The following RBFOX1 variants were observed in gnomAD, a reference collection of about 807,000 sequenced individuals.
RBFOX1 encodes RNA binding fox-1 homolog 1.
In RBFOX1, 8 loss-of-function variants were observed where a neutral mutation model predicts 57.7. That is an observed-to-expected ratio of 0.14 (90% CI 0.08 to 0.25). The LOEUF (loss-of-function observed/expected upper bound fraction) is 0.25, where lower values mean the gene tolerates loss of function less well. Ranked by LOEUF, RBFOX1 falls within the 10% of genes least tolerant of loss-of-function variation. RBFOX1 has a pLI of 1.00. For synonymous variants in RBFOX1, 326 were observed against 222.4 expected (o/e 1.47, Z -4.15); for missense variants, 611 against 548.5 (o/e 1.11, Z -1.14).
At chr16:7,103,646 G>A (rs922547409) in intron 4 of RBFOX1, among the ~76,000 whole-genome samples, 4 of 152,088 alleles carry the variant, frequency 2.6e-5, no homozygotes, top group Admixed American at 1.3e-4. Context: ...ATAGTTTTTT[G>A]TTAAGTACAT....
intron 4 of RBFOX1, among the ~76,000 whole-genome samples, chr16:7,232,567 A>G (rs948285658): frequency 6.6e-6 from 1 of 152,148 alleles, no homozygotes. Context: ...CAGGCCAGGC[A>G]TAAGCGGCTC....
At chr16:5,923,704 C>G (rs572176009) in intron 4 of RBFOX1, among the ~76,000 whole-genome samples, 1 of 152,014 alleles carries the variant, frequency 6.6e-6, no homozygotes, top group East Asian at 1.9e-4. Context: ...ACCACACCTG[C>G]TAATTTTTGT....
chr16:5,404,407 C>G (rs932326979), intron 1 of RBFOX1, among the ~76,000 whole-genome samples: 1 of 152,244 alleles, frequency 6.6e-6, no homozygotes, highest in South Asian at 2.1e-4. Context: ...GGAGCTCTGT[C>G]TTTGATGTCT....
At chr16:7,506,344 G>A (rs768975857) in intron 4 of RBFOX1, among the ~76,000 whole-genome samples, 6 of 152,010 alleles carry the variant, frequency 3.9e-5, no homozygotes, top group Non-Finnish European at 7.4e-5. Context: ...TGGGTACCTG[G>A]CACTAACAAG....
intron 4 of RBFOX1, among the ~76,000 whole-genome samples, chr16:7,446,555 C>A (rs2098809199): frequency 6.6e-6 from 1 of 152,148 alleles, no homozygotes; most frequent in African/African-American, 2.4e-5. Flanking sequence ...TTCTACCATA[C>A]ACTAAGCAGT....
At chr16:5,428,722 T>C (rs1465742776) in intron 1 of RBFOX1, among the ~76,000 whole-genome samples, 1 of 152,064 alleles carries the variant, frequency 6.6e-6, no homozygotes, top group Non-Finnish European at 1.5e-5. Context: ...GATGGTACAT[T>C]ACATGGAGAG....
At chr16:5,434,292 A>G (rs1458485046) in intron 1 of RBFOX1, among the ~76,000 whole-genome samples, 2 of 145,192 alleles carry the variant, frequency 1.4e-5, no homozygotes, top group African/African-American at 5.0e-5. Flanking sequence ...CACACGCATC[A>G]GAGGGAGCCA....
intron 1 of RBFOX1, among the ~76,000 whole-genome samples, chr16:6,249,632 C>T (rs1185190773): frequency 6.6e-6 from 1 of 151,972 alleles, no homozygotes; most frequent in Admixed American, 6.6e-5. Flanking sequence ...GGGAGTGGCC[C>T]CTGTGGAGGT....
chr16:5,429,882 C>A (rs561986265), intron 1 of RBFOX1, among the ~76,000 whole-genome samples: 18 of 152,296 alleles, frequency 1.2e-4, no homozygotes, highest in Admixed American at 3.3e-4. Flanking sequence ...TCCCAAATAC[C>A]TGCCCTCCTG....
chr16:6,386,116 T>C (rs918110353), intron 2 of RBFOX1, among the ~76,000 whole-genome samples: 7 of 152,076 alleles, frequency 4.6e-5, no homozygotes, highest in African/African-American at 1.7e-4. Flanking sequence ...TTTGTATTTT[T>C]AGTAGAGACG....
At chr16:5,910,199 G>T (rs887603131) in intron 4 of RBFOX1, among the ~76,000 whole-genome samples, 1 of 152,170 alleles carries the variant, frequency 6.6e-6, no homozygotes, top group Non-Finnish European at 1.5e-5. Flanking sequence ...GTCACCAAAG[G>T]TTCTCAGAAT....
chr16:7,412,412 C>CAAAA (rs376200574), intron 4 of RBFOX1, among the ~76,000 whole-genome samples: 13 of 132,190 alleles, frequency 9.8e-5, no homozygotes, highest in African/African-American at 3.4e-4. Flanking sequence ...GACATTCTGC[C>CAAAA]AAAAAAAAAA....
chr16:6,663,445 G>C (rs1422932677), intron 3 of RBFOX1, among the ~76,000 whole-genome samples: 1 of 152,162 alleles, frequency 6.6e-6, no homozygotes, highest in Admixed American at 6.5e-5. Context: ...CTTGCCCCTG[G>C]GAGTAGGAGT....
intron 4 of RBFOX1, among the ~76,000 whole-genome samples, chr16:7,454,658 C>T (rs1267282124): frequency 1.3e-5 from 2 of 152,192 alleles, no homozygotes; most frequent in African/African-American, 2.4e-5. Context: ...GGATAGCAAA[C>T]ATTTGGATAG....
rs143667731 is a variant in RBFOX1 at position 7,073,597 on chromosome 16, C to T, written c.27+21499C>T. ...GAGGCTCACACGTGTAATCCCAGCC[C>T]CTTTGGGAGGTCGAGGTGAGTGGAG... On this transcript the variant is annotated intron_variant, in intron 4 of 15. Coordinates refer to ENST00000550418, the MANE Select transcript of RBFOX1 (RefSeq NM_018723.4). Among the ~76,000 whole-genome samples, 31 of 152,142 alleles carry T rather than the reference C, an allele frequency of 2.0e-4. No homozygotes were observed. The East Asian group carries it at 5.8e-3, about 28-fold the overall frequency.
At chr16:7,091,070 G>C (rs2151109991) in intron 4 of RBFOX1, among the ~76,000 whole-genome samples, 1 of 152,234 alleles carries the variant, frequency 6.6e-6, no homozygotes, top group African/African-American at 2.4e-5. Flanking sequence ...GGACCAAATG[G>C]TCCCCGCTTA....
chr16:6,298,801 A>C (rs1296158411), intron 1 of RBFOX1, among the ~76,000 whole-genome samples: 1 of 152,206 alleles, frequency 6.6e-6, no homozygotes, highest in East Asian at 1.9e-4. Context: ...GTTGGATGCA[A>C]GTGCAATCTG....
intron 3 of RBFOX1, among the ~76,000 whole-genome samples, chr16:5,771,859 A>G (rs1055234056): frequency 3.3e-5 from 5 of 152,082 alleles, no homozygotes; most frequent in African/African-American, 1.2e-4. Flanking sequence ...TGTCAGTTCA[A>G]TCAGTATGGT....
intron 4 of RBFOX1, among the ~76,000 whole-genome samples, chr16:7,384,661 A>T (rs889542493): frequency 1.3e-5 from 2 of 152,148 alleles, no homozygotes; most frequent in South Asian, 2.1e-4. Context: ...GAGAGAATAT[A>T]AGGTAAATAA....
Sources: allele counts gnomAD v4.1 joint callset (sites outside exome capture counted in the v4.1 genomes callset), GRCh38; gene constraint gnomAD v4.1.1; transcripts MANE v1.5; gene names NCBI Gene and HGNC (gene_info 2026-07-23, HGNC 2026-07-21).